The following LAMA2 variants were observed in gnomAD, a reference collection of about 807,000 sequenced individuals.
LAMA2 encodes laminin subunit alpha-2.
LAMA2 carries 269 observed loss-of-function variants against 364.8 expected under a neutral mutation model. That is an observed-to-expected ratio of 0.74 (90% CI 0.67 to 0.82). The LOEUF (loss-of-function observed/expected upper bound fraction) is 0.82. Among genes scored for constraint, LAMA2 ranks in the 40% least tolerant of loss-of-function variants. The pLI is 0.00. For missense variants in LAMA2, 3,807 were observed against 3,873.2 expected, an observed-to-expected ratio of 0.98 and a Z score of 0.45; for synonymous variants, 1,379 against 1,370.6, an observed-to-expected ratio of 1.01 and a Z score of -0.14.
chr6:128,955,091 C>G (rs1781062951), intron 1 of LAMA2, among the ~76,000 whole-genome samples: 2 of 151,632 alleles, frequency 1.3e-5, no homozygotes, highest in Non-Finnish European at 3.0e-5. Context: ...ACTACTATCT[C>G]TATAAAGAGG....
At chr6:128,902,591 G>C (rs1777157303) in intron 1 of LAMA2, among the ~76,000 whole-genome samples, 1 of 152,194 alleles carries the variant, frequency 6.6e-6, no homozygotes, top group African/African-American at 2.4e-5. Context: ...ATGAGGACTT[G>C]GAAGAAATGA....
At chr6:128,939,502 T>A (rs1780030779) in intron 1 of LAMA2, among the ~76,000 whole-genome samples, 1 of 152,288 alleles carries the variant, frequency 6.6e-6, no homozygotes, top group Non-Finnish European at 1.5e-5. Context: ...ACAAAGTATC[T>A]GACACATAGT....
intron 1 of LAMA2, among the ~76,000 whole-genome samples, chr6:128,972,568 C>G (rs2114619673): frequency 6.6e-6 from 1 of 152,216 alleles, no homozygotes; most frequent in East Asian, 1.9e-4. Context: ...GTATTTGGAA[C>G]TATGGTTGAA....
chr6:129,129,605 G>A lies in LAMA2; in HGVS notation c.640-14296G>A, dbSNP rs570938738. On this transcript the variant is annotated intron_variant, in intron 4 of 64. Transcript: ENST00000421865. ...GAGTGGTGCATATCCTACAAATTGAGAATAAGGCATATTTTATCTTTTAAA... is the reference window on the plus strand; with the variant it reads ...GAGTGGTGCATATCCTACAAATTGAAAATAAGGCATATTTTATCTTTTAAA... Among the ~76,000 whole-genome samples the A allele has an allele frequency of 2.4e-3, 367 of 152,310 alleles. 1 individual carries two copies. The highest frequency in any genetic ancestry group is 6.8e-3 in the African/African-American group (281 of 41,556).
intron 3 of LAMA2, among the ~76,000 whole-genome samples, chr6:129,069,049 C>T (rs1221556305): frequency 6.6e-6 from 1 of 151,700 alleles, no homozygotes; most frequent in Non-Finnish European, 1.5e-5. Context: ...CAAATAGAGT[C>T]AAGATGACTG....
rs1445976350 is a variant in LAMA2 at position 129,419,067 on chromosome 6, TG to T, written c.5866-8684del. Among the ~76,000 whole-genome samples, 3 of 152,132 alleles carry T rather than the reference TG, an allele frequency of 2.0e-5. No individual in the cohort carries two copies. In the East Asian group the frequency reaches 5.8e-4, roughly 29 times the overall value. On this transcript the variant is annotated intron_variant, in intron 40 of 64. Coordinates refer to ENST00000421865, the MANE Select transcript of LAMA2 (RefSeq NM_000426.4). ...TGCTGGCTTTAGTGATTTTTTTTTT[TG>T]TACATGATACTCTCATTTGGGTCAA... is the stretch of plus-strand genomic sequence containing the variant.
chr6:129,137,948 G>T (rs972639037), intron 4 of LAMA2, among the ~76,000 whole-genome samples: 2 of 151,958 alleles, frequency 1.3e-5, no homozygotes, highest in African/African-American at 4.8e-5. Context: ...TATAGAAGAA[G>T]CTCCTAGACA....
chr6:128,984,277 G>A lies in LAMA2; in HGVS notation c.113-65641G>A, dbSNP rs533383353. Among the ~76,000 whole-genome samples the A allele has an allele frequency of 2.6e-5, 4 of 152,214 alleles. No individual in the cohort carries two copies. The South Asian group carries it at 8.3e-4, about 32-fold the overall frequency. ...AGCAAAATCTCATCTCTAGCTTCAT[G>A]TGATATTTTCCTGCTTATAAACTAC... On this transcript the variant is annotated intron_variant, in intron 1 of 64. Coordinates refer to ENST00000421865, the MANE Select transcript of LAMA2 (RefSeq NM_000426.4).
intron 1 of LAMA2, among the ~76,000 whole-genome samples, chr6:128,928,173 T>G (rs1779215767): frequency 6.6e-6 from 1 of 152,334 alleles, no homozygotes; most frequent in East Asian, 1.9e-4. Flanking sequence ...CAGACTGTTA[T>G]TTGCTGTTAG....
chr6:129,358,270 G>T (rs985960293), intron 32 of LAMA2, among the ~76,000 whole-genome samples: 1 of 151,964 alleles, frequency 6.6e-6, no homozygotes, highest in African/African-American at 2.4e-5. Context: ...TTTCCTAGTT[G>T]TTAGAGATCA....
At chr6:129,484,236 T>A (rs751113195) in intron 55 of LAMA2, among the ~76,000 whole-genome samples, 11 of 152,218 alleles carry the variant, frequency 7.2e-5, no homozygotes. Context: ...TATAATGGGA[T>A]ATCGAAACCA....
At chr6:129,502,537 G>T (rs1785728555) in intron 58 of LAMA2, 122 bp from the exon 59 acceptor site, 1 of 720,680 alleles carries the variant, frequency 1.4e-6, no homozygotes, top group Non-Finnish European at 2.5e-6. Flanking sequence ...CTACAGAGAT[G>T]AATAATGTAG....
intron 29 of LAMA2, among the ~76,000 whole-genome samples, chr6:129,339,999 CA>C (rs150497724): frequency 2.3e-3 from 266 of 113,430 alleles, no homozygotes; most frequent in East Asian, 4.4e-3. Flanking sequence ...GAGACTGTCT[CA>C]AAAAAAAAAA....
intron 1 of LAMA2, among the ~76,000 whole-genome samples, chr6:128,924,989 G>A (rs72983324): frequency 0.028 from 4,228 of 152,282 alleles, 93 homozygotes; most frequent in Non-Finnish European, 0.046. Flanking sequence ...CATTAGGATG[G>A]CTGCCATAAT....
chr6:129,198,137 G>A (rs1017391109), intron 12 of LAMA2, among the ~76,000 whole-genome samples: 15 of 152,040 alleles, frequency 9.9e-5, no homozygotes, highest in East Asian at 1.9e-4. Context: ...CAAAACTTAC[G>A]TAATCTAGGG....
chr6:129,507,388 G>A (rs1714543851), intron 61 of LAMA2, 101 bp from the exon 62 acceptor site: 4 of 1,256,446 alleles, frequency 3.2e-6, no homozygotes, highest in African/African-American at 1.5e-5. Flanking sequence ...AAGACAACTG[G>A]ATAACTACAC....
chr6:129,324,974 T>G (rs1158360830), intron 28 of LAMA2, among the ~76,000 whole-genome samples: 3 of 152,144 alleles, frequency 2.0e-5, no homozygotes, highest in Non-Finnish European at 2.9e-5. Flanking sequence ...TCTGCCTGAT[T>G]GCAAAATCCA....
At chr6:129,363,494 G>C (rs1204168387) in intron 32 of LAMA2, among the ~76,000 whole-genome samples, 1 of 152,150 alleles carries the variant, frequency 6.6e-6, no homozygotes, top group African/African-American at 2.4e-5. Context: ...AATGTGCAGA[G>C]ATAATGTGGG....
chr6:129,391,846 C>A (rs1779343531), intron 36 of LAMA2, among the ~76,000 whole-genome samples, 193 bp downstream of exon 36: 1 of 151,706 alleles, frequency 6.6e-6, no homozygotes. Context: ...ATTATTTATT[C>A]ATTTACTTAT....
Sources: gnomAD v4.1 joint callset for allele counts (sites outside exome capture counted in the v4.1 genomes callset) on GRCh38, gnomAD v4.1.1 for gene constraint, MANE v1.5 for transcripts, NCBI Gene and HGNC (gene_info 2026-07-23, HGNC 2026-07-21) for gene names.